Variants in RNF111 observed in about 807,000 individuals in gnomAD.
RNF111 encodes the protein ring finger protein 111.
Under a neutral mutation model 95.1 loss-of-function variants are expected in RNF111, and 17 were observed. The ratio of observed to expected loss-of-function variants is 0.18; its 90% confidence interval spans 0.12 to 0.27. The LOEUF (loss-of-function observed/expected upper bound fraction) is 0.27, where lower values mean the gene tolerates loss of function less well. Ranked by LOEUF, RNF111 falls within the 10% of genes least tolerant of loss-of-function variation. RNF111 has a pLI of 1.00. For synonymous variants in RNF111, 440 were observed against 414.8 expected (o/e 1.06, Z -0.74); for missense variants, 1,189 against 1,210.4 (o/e 0.98, Z 0.26).
chr15:59,045,524 GA>G (rs1336003799), intron 2 of RNF111, among the ~76,000 whole-genome samples: 1 of 152,054 alleles, frequency 6.6e-6, no homozygotes, highest in East Asian at 1.9e-4. Flanking sequence ...GGTTTTAAAA[GA>G]AATTTTGTAT....
chr15:59,021,575 T>C (rs1460670011), intron 1 of RNF111, among the ~76,000 whole-genome samples: 1 of 152,212 alleles, frequency 6.6e-6, no homozygotes, highest in Non-Finnish European at 1.5e-5. Context: ...CACTATGCCA[T>C]GTGCTTTGTT....
intron 1 of RNF111, among the ~76,000 whole-genome samples, chr15:59,030,397 C>T (rs893101902): frequency 6.6e-6 from 1 of 152,202 alleles, no homozygotes; most frequent in Non-Finnish European, 1.5e-5. Flanking sequence ...AAATGTCATA[C>T]CAGGAGTAAA....
At chr15:59,055,084 C>G (rs947505521) in intron 3 of RNF111, among the ~76,000 whole-genome samples, 1 of 152,168 alleles carries the variant, frequency 6.6e-6, no homozygotes, top group Non-Finnish European at 1.5e-5. Flanking sequence ...TTCACAGTCA[C>G]GTGTTTTAGA....
chr15:59,094,904 C>G lies in RNF111; in HGVS notation c.*4C>G, dbSNP rs1201673173. On this transcript the variant is annotated 3_prime_UTR_variant, in exon 14 of 14. Transcript: ENST00000348370. ...CCAGCTGCCAAGTGAAAGTTGACACCATGTTTCAGAACTCTTGCCCTCCCT... is the reference window on the plus strand; with the variant it reads ...CCAGCTGCCAAGTGAAAGTTGACACGATGTTTCAGAACTCTTGCCCTCCCT... The G allele has an allele frequency of 1.3e-6, 2 of 1,534,226 alleles. No homozygotes were observed. Among genetic ancestry groups the G allele is most frequent in the African/African-American group, 2.7e-5 (2 of 73,186 alleles).
At chr15:59,025,818 C>T (rs934306959) in intron 1 of RNF111, among the ~76,000 whole-genome samples, 3 of 152,092 alleles carry the variant, frequency 2.0e-5, no homozygotes, top group Admixed American at 2.0e-4. Context: ...GCAACCGCTG[C>T]CTTGCGGATT....
At chr15:59,049,481 G>A in intron 2 of RNF111, 1 of 207,086 alleles carries the variant, frequency 4.8e-6, no homozygotes, top group African/African-American at 2.4e-5. Context: ...TCTGGGTGGA[G>A]AATGCTGGTG....
intron 1 of RNF111, among the ~76,000 whole-genome samples, chr15:59,023,648 C>A (rs2040456910): frequency 6.6e-6 from 1 of 152,178 alleles, no homozygotes. Context: ...AAATTACCTT[C>A]TTTTAAATAT....
intron 1 of RNF111, among the ~76,000 whole-genome samples, chr15:58,997,505 A>C (rs2039129622): frequency 2.7e-5 from 4 of 148,256 alleles, no homozygotes; most frequent in South Asian, 2.3e-4. Flanking sequence ...TCATGACTAC[A>C]CATTTGCAGT....
At chr15:59,090,189 GT>G (rs1391170181) in intron 11 of RNF111, among the ~76,000 whole-genome samples, 9 of 150,020 alleles carry the variant, frequency 6.0e-5, no homozygotes, top group Non-Finnish European at 8.9e-5. Flanking sequence ...GGGATTTAAA[GT>G]TTTGTTGTGG....
intron 1 of RNF111, among the ~76,000 whole-genome samples, chr15:59,021,819 C>T (rs2040358893): frequency 6.6e-6 from 1 of 152,126 alleles, no homozygotes; most frequent in Non-Finnish European, 1.5e-5. Flanking sequence ...CCTAGATTTA[C>T]TATAGCTTTT....
chr15:59,073,946 A>G (rs1378712202), intron 6 of RNF111, among the ~76,000 whole-genome samples: 1 of 152,196 alleles, frequency 6.6e-6, no homozygotes, highest in Non-Finnish European at 1.5e-5. Flanking sequence ...TAATCTACTT[A>G]TACATCATCA....
chr15:58,992,013 A>G (rs2038838131), intron 1 of RNF111, among the ~76,000 whole-genome samples: 1 of 152,140 alleles, frequency 6.6e-6, no homozygotes, highest in South Asian at 2.1e-4. Context: ...CTGAGGAATG[A>G]GGGAGAAAAC....
chr15:59,050,502 G>C (rs1041441213), intron 2 of RNF111: 2 of 152,150 alleles, frequency 1.3e-5, no homozygotes, highest in Admixed American at 6.6e-5. Flanking sequence ...GACTTACCCT[G>C]ACACTAGACT....
intron 1 of RNF111, chr15:58,988,486 A>G (rs1446023964): frequency 6.6e-6 from 1 of 152,388 alleles, no homozygotes; most frequent in Non-Finnish European, 1.5e-5. Context: ...GTGATCAAGG[A>G]AACGTAGTCC....
At chr15:58,998,625 G>C (rs2039187661) in intron 1 of RNF111, among the ~76,000 whole-genome samples, 1 of 152,154 alleles carries the variant, frequency 6.6e-6, no homozygotes, top group African/African-American at 2.4e-5. Context: ...TGTGAACTTG[G>C]ATATTTGTAC....
intron 1 of RNF111, chr15:59,004,117 C>G: frequency 8.5e-7 from 1 of 1,174,016 alleles, no homozygotes; most frequent in Non-Finnish European, 1.1e-6. Context: ...TATTTTATTC[C>G]AGTGTGAATG....
At chr15:59,074,793 C>G (rs199781862) in intron 6 of RNF111, among the ~76,000 whole-genome samples, 1 of 82,842 alleles carries the variant, frequency 1.2e-5, no homozygotes, top group African/African-American at 4.4e-5. Flanking sequence ...AGAGGCCTAG[C>G]TTTTGGCCTC....
intron 1 of RNF111, among the ~76,000 whole-genome samples, chr15:59,013,937 C>G (rs756460511): frequency 1.3e-5 from 2 of 151,912 alleles, no homozygotes; most frequent in African/African-American, 2.4e-5. Context: ...TACAGGCACA[C>G]GCCACCACGC....
At chr15:59,014,276 C>A (rs145318126) in intron 1 of RNF111, among the ~76,000 whole-genome samples, 170 of 152,196 alleles carry the variant, frequency 1.1e-3, no homozygotes, top group African/African-American at 3.9e-3. Flanking sequence ...ATTTTCAATG[C>A]CCTGGTGAAA....
Sources: allele counts gnomAD v4.1 joint callset (sites outside exome capture counted in the v4.1 genomes callset), GRCh38; gene constraint gnomAD v4.1.1; transcripts MANE v1.5; gene names NCBI Gene and HGNC (gene_info 2026-07-23, HGNC 2026-07-21).